CRADD: variants seen among roughly 807,000 people sequenced by gnomAD.
The protein encoded by CRADD is death domain-containing protein CRADD.
In CRADD, 9 loss-of-function variants were observed where a neutral mutation model predicts 15.5. The ratio of observed to expected loss-of-function variants is 0.58; its 90% CI spans 0.35 to 1.01. The LOEUF is 1.01. Ranked by LOEUF, CRADD falls within the 50% of genes least tolerant of loss-of-function variation. CRADD has a pLI of 0.02. For synonymous variants in CRADD, 118 were observed against 107.6 expected (o/e 1.10, Z -0.60); for missense variants, 227 against 250.3 (o/e 0.91, Z 0.63).
At chr12:93,856,770 AAGATCAGGCTTCAAGTT>A (rs1958278492) in intron 2 of CRADD, among the ~76,000 whole-genome samples, 1 of 152,228 alleles carries the variant, frequency 6.6e-6, no homozygotes, top group Non-Finnish European at 1.5e-5. Context: ...CAGTGGGATC[AAGATCAGGCTTCAAGTT>A]TTAGGTATTA....
chr12:93,811,966 T>G (rs998932915), intron 2 of CRADD, among the ~76,000 whole-genome samples: 1 of 152,168 alleles, frequency 6.6e-6, no homozygotes, highest in African/African-American at 2.4e-5. Flanking sequence ...AGAAATGAGC[T>G]GTCAAGCCAT....
chr12:93,887,324 C>T (rs1958544479), intron 2 of CRADD, among the ~76,000 whole-genome samples: 1 of 152,204 alleles, frequency 6.6e-6, no homozygotes, highest in African/African-American at 2.4e-5. Context: ...CTTTTAATGA[C>T]AGGCTTTTAT....
At chr12:93,797,927 T>A (rs906479156) in intron 2 of CRADD, among the ~76,000 whole-genome samples, 39 of 152,218 alleles carry the variant, frequency 2.6e-4, no homozygotes, top group Admixed American at 1.8e-3. Flanking sequence ...CCCAGCACCC[T>A]ATTGAATCAA....
At chr12:93,835,619 A>G (rs182907907) in intron 2 of CRADD, among the ~76,000 whole-genome samples, 1 of 152,058 alleles carries the variant, frequency 6.6e-6, no homozygotes, top group East Asian at 1.9e-4. Context: ...TTTTCTCTGT[A>G]AGTTTTGCCT....
At chr12:93,770,570 A>G (rs1158237448) in intron 2 of CRADD, among the ~76,000 whole-genome samples, 1 of 152,176 alleles carries the variant, frequency 6.6e-6, no homozygotes, top group Non-Finnish European at 1.5e-5. Context: ...TCCATTCCCC[A>G]TTGCTCTGCC....
downstream of CRADD, among the ~76,000 whole-genome samples, chr12:93,854,014 CTGGTTTGTTTAG>C (rs1431397671): frequency 4.6e-5 from 7 of 152,182 alleles, no homozygotes; most frequent in Non-Finnish European, 1.5e-5. Flanking sequence ...AACTGGATCC[CTGGTTTGTTTAG>C]CGCCAAACAT....
At chr12:93,711,600 G>T (rs1956075736) in intron 2 of CRADD, among the ~76,000 whole-genome samples, 1 of 151,900 alleles carries the variant, frequency 6.6e-6, no homozygotes, top group South Asian at 2.1e-4. Context: ...TTGAGCCCTT[G>T]AGGTTCATTC....
At chr12:93,734,703 G>T (rs920608835) in intron 2 of CRADD, among the ~76,000 whole-genome samples, 2 of 152,100 alleles carry the variant, frequency 1.3e-5, no homozygotes, top group African/African-American at 4.8e-5. Context: ...CCCTCGTATT[G>T]CCTGTCTTCT....
chr12:93,712,872 A>G (rs1956098286), intron 2 of CRADD, among the ~76,000 whole-genome samples: 1 of 151,980 alleles, frequency 6.6e-6, no homozygotes, highest in Non-Finnish European at 1.5e-5. Context: ...TAGAGAAAAG[A>G]GGCCTGGAGA....
At chr12:93,865,335 C>A (rs1396960010) in intron 2 of CRADD, among the ~76,000 whole-genome samples, 1 of 152,210 alleles carries the variant, frequency 6.6e-6, no homozygotes, top group Non-Finnish European at 1.5e-5. Context: ...AAGACCTCTG[C>A]AGAAAGCAAT....
intron 2 of CRADD, among the ~76,000 whole-genome samples, chr12:93,871,466 T>C (rs1287062579): frequency 1.3e-5 from 2 of 152,216 alleles, no homozygotes; most frequent in African/African-American, 4.8e-5. Context: ...TTATTGACTA[T>C]AGTCACCCTG....
At chr12:93,710,409 A>G (rs1410739905) in intron 2 of CRADD, among the ~76,000 whole-genome samples, 1 of 146,348 alleles carries the variant, frequency 6.8e-6, no homozygotes, top group Admixed American at 7.1e-5. Context: ...GCAGTGGCAC[A>G]ATCTTGGCTC....
At chr12:93,860,753 A>G (rs146085063) in intron 2 of CRADD, among the ~76,000 whole-genome samples, 1 of 152,228 alleles carries the variant, frequency 6.6e-6, no homozygotes, top group Non-Finnish European at 1.5e-5. Context: ...TTTGGTTGCT[A>G]CCTAAGCAAA....
At chr12:93,682,588 G>A (rs1011069142) in intron 2 of CRADD, among the ~76,000 whole-genome samples, 1 of 152,118 alleles carries the variant, frequency 6.6e-6, no homozygotes, top group African/African-American at 2.4e-5. Flanking sequence ...TGTTTCACTT[G>A]TAAATTTTGA....
intron 2 of CRADD, among the ~76,000 whole-genome samples, chr12:93,808,795 T>G (rs971193896): frequency 6.6e-6 from 1 of 152,138 alleles, no homozygotes; most frequent in Admixed American, 6.6e-5. Context: ...ATCCCCTGCC[T>G]TCCTCAGACT....
chr12:93,719,800 C>T (rs532341741), intron 2 of CRADD, among the ~76,000 whole-genome samples: 81 of 152,046 alleles, frequency 5.3e-4, no homozygotes, highest in African/African-American at 1.9e-3. Flanking sequence ...TTTTTCATTT[C>T]TGATATTAGT....
At chr12:93,718,607 C>T (rs1365546420) in intron 2 of CRADD, among the ~76,000 whole-genome samples, 1 of 152,096 alleles carries the variant, frequency 6.6e-6, no homozygotes, top group Non-Finnish European at 1.5e-5. Flanking sequence ...GTGAAGAAGA[C>T]AGTTTTGTGT....
chr12:93,732,403 A>G (rs1208780095), intron 2 of CRADD, among the ~76,000 whole-genome samples: 4 of 152,220 alleles, frequency 2.6e-5, no homozygotes, highest in Admixed American at 2.6e-4. Flanking sequence ...CTTGTATTGA[A>G]AACACTGGTT....
intron 2 of CRADD, chr12:93,848,749 C>T (rs1371535182): frequency 9.7e-6 from 1 of 103,136 alleles, no homozygotes; most frequent in Non-Finnish European, 1.9e-5. Flanking sequence ...GGAAGGCCTT[C>T]CCTAATGAAG....
Sources: allele counts gnomAD v4.1 joint callset (sites outside exome capture counted in the v4.1 genomes callset), GRCh38; gene constraint gnomAD v4.1.1; transcripts MANE v1.5; gene names NCBI Gene and HGNC (gene_info 2026-07-23, HGNC 2026-07-21).